CDH23: variants seen among roughly 807,000 people sequenced by gnomAD.
CDH23 encodes cadherin-23.
A neutral mutation model predicts 317.1 loss-of-function variants in CDH23; 189 were observed. The observed-to-expected ratio is 0.60, with a 90% CI of 0.53 to 0.67. The LOEUF (loss-of-function observed/expected upper bound fraction) is 0.67. CDH23 is among the 30% of genes least tolerant of loss of function. CDH23 has a pLI of 0.00. For synonymous variants in CDH23, 1,839 were observed against 1,876.8 expected (o/e 0.98, Z 0.52); for missense variants, 4,401 against 4,592.4 (o/e 0.96, Z 1.20).
intron 14 of CDH23, among the ~76,000 whole-genome samples, chr10:71,654,728 A>T (rs1863340394): frequency 6.6e-6 from 1 of 152,122 alleles, no homozygotes; most frequent in South Asian, 2.1e-4. Context: ...CCAAGCACCC[A>T]CATGTAGCCT....
chr10:71,518,959 G>C (rs555674397), intron 6 of CDH23, among the ~76,000 whole-genome samples: 2 of 152,196 alleles, frequency 1.3e-5, no homozygotes, highest in Non-Finnish European at 2.9e-5. Context: ...GGCTGTGGGC[G>C]TCCTCCACCA....
intron 38 of CDH23, chr10:71,773,542 G>A: frequency 2.5e-6 from 3 of 1,189,760 alleles, no homozygotes; most frequent in Non-Finnish European, 3.5e-6. Flanking sequence ...AGTGAGCGCT[G>A]CGGGCGGCCC....
intron 27 of CDH23, among the ~76,000 whole-genome samples, chr10:71,709,727 GTC>G (rs1348789340): frequency 1.3e-5 from 2 of 152,332 alleles, no homozygotes; most frequent in South Asian, 2.1e-4. Context: ...TCAGGCTTCA[GTC>G]TCTGCACTGG....
intron 55 of CDH23, 61 bp from the exon 56 acceptor site, chr10:71,805,745 G>T: frequency 6.6e-7 from 1 of 1,505,924 alleles, no homozygotes. Flanking sequence ...GGCTCCCTCA[G>T]GACCTAGGAG....
rs1393843838 is a variant in CDH23, at chr10:71,716,168, G to A, written c.3369+3355G>A. The A allele has an allele frequency of 5.4e-5, 84 of 1,550,852 alleles. No individual in the cohort carries two copies. The highest frequency in any genetic ancestry group is 6.7e-5 in the Non-Finnish European group (77 of 1,146,834). On this transcript the variant is annotated intron_variant, in intron 28 of 69. Coordinates refer to ENST00000224721, the MANE Select transcript of CDH23 (RefSeq NM_022124.6). ...GTCCAGCGCGGCCGGCTTGCAGAGC[G>A]TCATGAACAGCAGACAGGTGGCCAG...
At chr10:71,529,959 C>T (rs1321784743) in intron 6 of CDH23, among the ~76,000 whole-genome samples, 3 of 151,912 alleles carry the variant, frequency 2.0e-5, no homozygotes, top group Non-Finnish European at 2.9e-5. Flanking sequence ...GCAGCTTACC[C>T]CTCTCTGAGG....
intron 3 of CDH23, among the ~76,000 whole-genome samples, chr10:71,485,023 CTTTTTTTT>C (rs56153129): frequency 1.4e-4 from 15 of 110,138 alleles, no homozygotes; most frequent in South Asian, 1.2e-3. Flanking sequence ...TTTCTTTTTT[CTTTTTTTT>C]TTTTTTTTTT....
At chr10:71,497,402 A>G (rs1057512322) in intron 3 of CDH23, among the ~76,000 whole-genome samples, 3 of 152,060 alleles carry the variant, frequency 2.0e-5, no homozygotes, top group African/African-American at 7.2e-5. Context: ...TTCAACCCTC[A>G]TGGGCCTGGG....
At chr10:71,661,900 C>G (rs1249670732) in intron 14 of CDH23, among the ~76,000 whole-genome samples, 1 of 131,068 alleles carries the variant, frequency 7.6e-6, no homozygotes, top group African/African-American at 2.9e-5. Context: ...CCCCTCCCAC[C>G]CAGCGCGCCC....
chr10:71,798,380 G>T lies in CDH23; in HGVS notation c.6856G>T (p.Val2286Phe), dbSNP rs548373542. 6 of 1,613,886 alleles carry T rather than the reference G, an allele frequency of 3.7e-6. No homozygotes were observed. Among genetic ancestry groups the T allele is most frequent in the Non-Finnish European group, 5.1e-6 (6 of 1,179,796 alleles). ...CAAGCTGACTGTCAACGTCCTGGAC[G>T]TCAATGACAATACGCCCCAGTTCAA... The part of the protein sequence containing the change: ...NAKLTVNVLD[V>F]NDNTPQFKPF... The change falls in exon 50 of 70, where the codon GTC becomes TTC. Residue 2286 changes from valine (V) to phenylalanine (F), a missense_variant. This residue lies in a region of CDH23 where 3,068 missense variants were observed against 3,203.3 expected (regional missense o/e 0.96). Coordinates refer to ENST00000224721, the MANE Select transcript of CDH23 (RefSeq NM_022124.6).
intron 22 of CDH23, among the ~76,000 whole-genome samples, chr10:71,699,716 A>G (rs79329550): frequency 0.021 from 3,150 of 152,340 alleles, 222 homozygotes; most frequent in East Asian, 0.19. Context: ...CCATCAGGCT[A>G]GGAGAAAAAT....
chr10:71,409,097 C>G (rs1259565939), intron 1 of CDH23, among the ~76,000 whole-genome samples: 1 of 152,204 alleles, frequency 6.6e-6, no homozygotes, highest in Non-Finnish European at 1.5e-5. Context: ...CGTGTGATGT[C>G]ACTTTTAAGT....
chr10:71,426,374 C>T (rs1454369631), intron 1 of CDH23, among the ~76,000 whole-genome samples: 3 of 152,202 alleles, frequency 2.0e-5, no homozygotes, highest in Non-Finnish European at 2.9e-5. Flanking sequence ...TCTTCCTTTC[C>T]ATCCTTGGCT....
At chr10:71,402,339 A>G (rs944004487) in intron 1 of CDH23, among the ~76,000 whole-genome samples, 2 of 152,156 alleles carry the variant, frequency 1.3e-5, no homozygotes, top group Admixed American at 6.5e-5. Flanking sequence ...GTTGGTTATT[A>G]TTATGATCAT....
At chr10:71,777,539 G>T (rs1840842668) in intron 38 of CDH23, 141 bp from the exon 39 acceptor site, 1 of 715,616 alleles carries the variant, frequency 1.4e-6, no homozygotes, top group Non-Finnish European at 2.4e-6. Flanking sequence ...CTACCAGCCT[G>T]TGACCCACCC....
chr10:71,802,937 CA>C lies in CDH23; in HGVS notation c.7523del (p.Gln2508ArgfsTer24). On this transcript the variant is annotated frameshift_variant, in exon 54 of 70. Transcript: ENST00000224721. LOFTEE classifies it high-confidence loss of function. The stretch of plus-strand genomic sequence containing the variant: ...GCTGGATGTCAATGACTGCCGGCCA[CA>C]GTTCTCCAAGCCCCAGTTCAGCACA... Reference protein sequence around the residue: ...QVLDVNDCRPQFSKPQFSTSV... With the variant: ...QVLDVNDCRPXFSKPQFSTSV... 1 of 1,614,030 alleles carries C rather than the reference CA, an allele frequency of 6.2e-7. No homozygotes were observed. Among genetic ancestry groups the C allele is most frequent in the Non-Finnish European group, 8.5e-7 (1 of 1,179,892 alleles).
intron 19 of CDH23, among the ~76,000 whole-genome samples, chr10:71,688,641 T>TC (rs1865016359): frequency 1.7e-5 from 1 of 60,504 alleles, no homozygotes; most frequent in Admixed American, 1.9e-4. Flanking sequence ...GGTGGTGGAG[T>TC]CAGGGATGAT....
At chr10:71,766,389 G>C (rs1384545196) in intron 38 of CDH23, among the ~76,000 whole-genome samples, 1 of 152,190 alleles carries the variant, frequency 6.6e-6, no homozygotes, top group Non-Finnish European at 1.5e-5. Flanking sequence ...CACCAGGTAA[G>C]GAGGCAGGGC....
chr10:71,747,943 T>A (rs191537901), intron 38 of CDH23: 1 of 152,458 alleles, frequency 6.6e-6, no homozygotes, highest in Non-Finnish European at 1.5e-5. Context: ...ATGGGCCAGG[T>A]GGCCTGTGCC....
Sources: allele counts gnomAD v4.1 joint callset (sites outside exome capture counted in the v4.1 genomes callset), GRCh38; gene constraint gnomAD v4.1.1; regional missense constraint gnomAD v4.1.1; transcripts MANE v1.5; gene names NCBI Gene and HGNC (gene_info 2026-07-23, HGNC 2026-07-21).